The following EFCAB12 variants were observed in gnomAD, a reference collection of about 807,000 sequenced individuals.
EFCAB12 encodes EF-hand calcium-binding domain-containing protein 12.
A neutral mutation model predicts 53.6 loss-of-function variants in EFCAB12; 43 were observed. That is an observed-to-expected ratio of 0.80 (90% CI 0.63 to 1.03). EFCAB12 has a LOEUF of 1.03. Among genes scored for constraint, EFCAB12 ranks in the 50% least tolerant of loss-of-function variants. EFCAB12 has a pLI of 0.00. For missense variants in EFCAB12, 646 were observed against 730.6 expected (o/e 0.88, Z 1.34); for synonymous variants, 269 against 289.2 (o/e 0.93, Z 0.71).
rs754860316 is a variant in EFCAB12, at chr3:129,401,835, T to G, written c.1477A>C (p.Arg493=). 2 of 1,611,890 alleles carry G rather than the reference T, an allele frequency of 1.2e-6. No individual in the cohort carries two copies. Among genetic ancestry groups the G allele is most frequent in the South Asian group, 2.2e-5 (2 of 90,870 alleles). ...TGTGTTTGCTGCAGACCACTGGACC[T>G]CTTCACCTTCAGCTTCCTGGAAAAC... ...EEFTRKLKVK[R]SSGLQQTHPN... The change falls in exon 9 of 9, where the codon AGG becomes CGG. Residue 493 remains arginine, a synonymous_variant. Coordinates refer to ENST00000505956, the MANE Select transcript of EFCAB12 (RefSeq NM_207307.3).
Position 129,428,568 on chromosome 3 carries a change from G to C in EFCAB12, c.-80C>G, listed in dbSNP as rs2072298794. 9 of 1,526,826 alleles carry C rather than the reference G, an allele frequency of 5.9e-6. No individual in the cohort carries two copies. Among genetic ancestry groups the C allele is most frequent in the Non-Finnish European group, 8.0e-6 (9 of 1,124,520 alleles). The allele number at this position is 1,526,826 out of a possible 1,614,324, so 94.6% of individuals were successfully genotyped here. A position where few individuals can be genotyped will look rare whatever the true frequency, so the allele number is the denominator to read the frequency against. On this transcript the variant is annotated 5_prime_UTR_variant, in exon 1 of 9. Transcript: ENST00000505956. ...GGGCTTGCTTGCGTAGGGGTACCGG[G>C]GTATCAGATAAACCGTAACTCCAAG...
chr3:129,418,087 A>G (rs559881539), intron 3 of EFCAB12, among the ~76,000 whole-genome samples, 167 bp downstream of exon 3: 1 of 151,448 alleles, frequency 6.6e-6, no homozygotes, highest in East Asian at 2.0e-4. Flanking sequence ...GTTAATCCAT[A>G]TTTTCTAGCC....
At chr3:129,408,436 G>A (rs1341842923) in intron 6 of EFCAB12, among the ~76,000 whole-genome samples, 3 of 152,138 alleles carry the variant, frequency 2.0e-5, no homozygotes, top group African/African-American at 7.2e-5. Context: ...AGACCTCCGG[G>A]TCTTGTGTTC....
intron 1 of EFCAB12, among the ~76,000 whole-genome samples, chr3:129,426,361 T>G (rs1469284428): frequency 1.9e-5 from 2 of 106,026 alleles, no homozygotes; most frequent in South Asian, 6.9e-4. Context: ...TTTTTTTTGT[T>G]TTTTTTTTTT....
rs2072299045 is a variant in EFCAB12, at chr3:129,428,596, G to T, written c.-108C>A. The T allele has an allele frequency of 2.2e-6, 3 of 1,371,902 alleles. No individual in the cohort carries two copies. Among genetic ancestry groups the T allele is most frequent in the African/African-American group, 2.9e-5 (2 of 68,880 alleles). 85.0% of individuals were successfully genotyped at this position (1,371,902 alleles called of 1,614,324 possible). On this transcript the variant is annotated 5_prime_UTR_variant, in exon 1 of 9. Coordinates refer to ENST00000505956, the MANE Select transcript of EFCAB12 (RefSeq NM_207307.3). Reference sequence around the variant, plus strand: ...ATCAGATAAACCGTAACTCCAAGTCGTGCGAAAGGCGCTCAGCTCAGACTG... The same window carrying T: ...ATCAGATAAACCGTAACTCCAAGTCTTGCGAAAGGCGCTCAGCTCAGACTG...
At chr3:129,416,938 G>A (rs1007100008) in intron 3 of EFCAB12, among the ~76,000 whole-genome samples, 11 of 152,188 alleles carry the variant, frequency 7.2e-5, no homozygotes, top group Non-Finnish European at 1.5e-4. Context: ...ACAGGCATGA[G>A]CCAGCATGCT....
intron 4 of EFCAB12, 93 bp downstream of exon 4, chr3:129,415,152 G>T: frequency 7.0e-7 from 1 of 1,418,940 alleles, no homozygotes. Context: ...AACACACTGA[G>T]GAAGTGAGTT....
intron 5 of EFCAB12, among the ~76,000 whole-genome samples, chr3:129,409,611 C>T (rs1056587803): frequency 2.0e-5 from 3 of 152,074 alleles, no homozygotes; most frequent in Non-Finnish European, 4.4e-5. Context: ...AAAAAAAAAC[C>T]CTAACTTTTA....
intron 5 of EFCAB12, 71 bp downstream of exon 5, chr3:129,411,087 C>CA: frequency 6.7e-7 from 1 of 1,498,180 alleles, no homozygotes; most frequent in Non-Finnish European, 8.9e-7. Flanking sequence ...GCGGGTGGTG[C>CA]TGCTGCGGTG....
At chr3:129,402,488 T>C (rs2071885706) in intron 8 of EFCAB12, 35 bp downstream of exon 8, 2 of 1,602,512 alleles carry the variant, frequency 1.2e-6, no homozygotes, top group Non-Finnish European at 1.7e-6. Flanking sequence ...TCCTCCCACC[T>C]TCCTTCCTTG....
Position 129,415,304 on chromosome 3 carries a change from T to A in EFCAB12, c.779A>T (p.Asn260Ile). The change falls in exon 4 of 9, where the codon AAT (asparagine) becomes ATT (isoleucine). Residue 260 changes from asparagine (N) to isoleucine (I), a missense_variant. Asn to Ile is a moderately radical substitution (Grantham distance 149). Coordinates refer to ENST00000505956, the MANE Select transcript of EFCAB12 (RefSeq NM_207307.3). ...AGCCATAGACCACTGCTTGTAGGTA[T>A]TGGCCAGGATATCCATGGTGATGGT... Reference protein sequence around the residue: ...HNTITMDILANTYKQWSMAQQ... With the variant: ...HNTITMDILAITYKQWSMAQQ... 1 of 1,613,292 alleles carries A rather than the reference T, an allele frequency of 6.2e-7. No individual in the cohort carries two copies. Among genetic ancestry groups the A allele is most frequent in the Non-Finnish European group, 8.5e-7 (1 of 1,179,814 alleles).
In EFCAB12 at chr3:129,401,832, A is replaced by G. The variant is rs766342753; in HGVS notation, c.1480T>C (p.Ser494Pro). ...EFTRKLKVKRSSGLQQTHPNS... is the reference protein window; with the variant it reads ...EFTRKLKVKRPSGLQQTHPNS... ...GGGTGTGTTTGCTGCAGACCACTGG[A>G]CCTCTTCACCTTCAGCTTCCTGGAA... The change falls in exon 9 of 9, where the codon TCC becomes CCC. Residue 494 changes from serine (S) to proline (P), a missense_variant. By Grantham distance (74) the Ser-to-Pro change is moderately conservative (BLOSUM62 -1). Transcript: ENST00000505956. The G allele has an allele frequency of 6.2e-7, 1 of 1,612,214 alleles. No homozygotes were observed. Among genetic ancestry groups the G allele is most frequent in the East Asian group, 2.2e-5 (1 of 44,830 alleles).
chr3:129,403,289 A>C (rs1281156250), intron 7 of EFCAB12: 2 of 152,496 alleles, frequency 1.3e-5, no homozygotes, highest in African/African-American at 4.8e-5. Flanking sequence ...TGCCCCAACC[A>C]GAGCAAGGTA....
At position 129,428,535 on chromosome 3, in the gene EFCAB12, G is replaced by A. The variant is rs376027196; in HGVS notation, c.-47C>T. The A allele has an allele frequency of 1.2e-4, 198 of 1,597,802 alleles. 1 individual carries two copies. Among genetic ancestry groups the A allele is most frequent in the Non-Finnish European group, 1.3e-4 (152 of 1,171,210 alleles). Reference sequence around the variant, plus strand: ...TGCTGAAGGGCGTGTGTGAATGTGTGTCGATGTGGGCTTGCTTGCGTAGGG... The same window carrying A: ...TGCTGAAGGGCGTGTGTGAATGTGTATCGATGTGGGCTTGCTTGCGTAGGG... On this transcript the variant is annotated 5_prime_UTR_variant, in exon 1 of 9. Transcript: ENST00000505956.
Position 129,415,294 on chromosome 3 carries a change from C to A in EFCAB12, c.789G>T (p.Lys263Asn), listed in dbSNP as rs2072100643. The A allele has an allele frequency of 1.9e-6, 3 of 1,613,126 alleles. No homozygotes were observed. The East Asian group carries it at 6.7e-5, about 36-fold the overall frequency. The change falls in exon 4 of 9, where the codon AAG (lysine) becomes AAT (asparagine). Residue 263 changes from lysine (K) to asparagine (N), a missense_variant. By Grantham distance (94) the Lys-to-Asn change is moderately conservative. Coordinates refer to ENST00000505956, the MANE Select transcript of EFCAB12 (RefSeq NM_207307.3). ...ITMDILANTY[K>N]QWSMAQQRSS... ...TCCTTTGCTGAGCCATAGACCACTG[C>A]TTGTAGGTATTGGCCAGGATATCCA...
At chr3:129,427,728 A>G (rs999544164) in intron 1 of EFCAB12, among the ~76,000 whole-genome samples, 1 of 152,202 alleles carries the variant, frequency 6.6e-6, no homozygotes, top group Non-Finnish European at 1.5e-5. Flanking sequence ...CTGCCAACTC[A>G]GTCTCAGGTC....
At chr3:129,416,050 T>C (rs12632470) in intron 3 of EFCAB12, among the ~76,000 whole-genome samples, 29,538 of 152,124 alleles carry the variant, frequency 0.19, 3,953 homozygotes, top group East Asian at 0.46. Flanking sequence ...CCCAAAGTGC[T>C]GGGTAAACAG....
intron 1 of EFCAB12, among the ~76,000 whole-genome samples, chr3:129,426,376 T>TG (rs1211851022): frequency 6.8e-6 from 1 of 146,718 alleles, no homozygotes; most frequent in Non-Finnish European, 1.5e-5. Context: ...TTTTTTTTTT[T>TG]TTTTTTGAGA....
At chr3:129,406,814 G>A (rs949830946) in intron 6 of EFCAB12, among the ~76,000 whole-genome samples, 5 of 151,374 alleles carry the variant, frequency 3.3e-5, no homozygotes, top group African/African-American at 7.3e-5. Context: ...GAATGTGACC[G>A]TTGGAGGGGG....
Sources: allele counts gnomAD v4.1 joint callset (sites outside exome capture counted in the v4.1 genomes callset), GRCh38; gene constraint gnomAD v4.1.1; transcripts MANE v1.5; gene names NCBI Gene and HGNC (gene_info 2026-07-23, HGNC 2026-07-21).